COPS4: variants seen among roughly 807,000 people sequenced by gnomAD.
The protein encoded by COPS4 is COP9 signalosome subunit 4.
In COPS4, 8 loss-of-function variants were observed where a neutral mutation model predicts 55.1. The ratio of observed to expected loss-of-function variants is 0.15; its 90% CI spans 0.09 to 0.26. The LOEUF is 0.26. Among genes scored for constraint, COPS4 ranks in the 10% least tolerant of loss-of-function variants. The pLI is 1.00. For synonymous variants in COPS4, 185 were observed against 165.7 expected (o/e 1.12, Z -0.90); for missense variants, 248 against 484.0 (o/e 0.51, Z 4.58).
At chr4:83,072,188 G>C (rs1194828057) in intron 9 of COPS4, among the ~76,000 whole-genome samples, 1 of 152,024 alleles carries the variant, frequency 6.6e-6, no homozygotes, top group Non-Finnish European at 1.5e-5. Context: ...GGGTCCAAGC[G>C]ATTCTCCTGC....
At chr4:83,035,563 A>T (rs1050407619) in intron 1 of COPS4, 2 of 312,498 alleles carry the variant, frequency 6.4e-6, no homozygotes, top group Non-Finnish European at 1.3e-5. Context: ...GTCCCTTAGG[A>T]TTTTGGAACA....
chr4:83,060,880 C>A (rs1353738286), intron 6 of COPS4, among the ~76,000 whole-genome samples: 1 of 151,388 alleles, frequency 6.6e-6, no homozygotes, highest in Non-Finnish European at 1.5e-5. Context: ...ACTGAAAATA[C>A]AAAATTAGCC....
intron 2 of COPS4, among the ~76,000 whole-genome samples, 159 bp from the exon 3 acceptor site, chr4:83,049,007 A>G (rs372542605): frequency 1.3e-5 from 2 of 152,168 alleles, no homozygotes; most frequent in African/African-American, 4.8e-5. Flanking sequence ...AAAACTGATG[A>G]TGTAATATAA....
intron 9 of COPS4, among the ~76,000 whole-genome samples, chr4:83,070,430 A>AAACTGAATTT (rs1731394491): frequency 6.6e-6 from 1 of 152,182 alleles, no homozygotes; most frequent in Non-Finnish European, 1.5e-5. Flanking sequence ...AACATATCAA[A>AAACTGAATTT]AACTGAATTT....
chr4:83,064,003 C>A (rs1439335527), intron 7 of COPS4, among the ~76,000 whole-genome samples: 1 of 152,138 alleles, frequency 6.6e-6, no homozygotes, highest in African/African-American at 2.4e-5. Context: ...CCTGGCAATA[C>A]AATCCTTTTA....
intron 6 of COPS4, among the ~76,000 whole-genome samples, chr4:83,060,028 C>T (rs186090228): frequency 6.6e-6 from 1 of 152,118 alleles, no homozygotes; most frequent in Admixed American, 6.6e-5. Context: ...ATAGGTACTT[C>T]CGCATTCCCT....
chr4:83,040,811 A>G (rs1289825841), intron 1 of COPS4, among the ~76,000 whole-genome samples: 4 of 121,430 alleles, frequency 3.3e-5, no homozygotes, highest in South Asian at 4.8e-4. Context: ...TTAGTTCACC[A>G]TTACTGTAAG....
chr4:83,071,734 TG>T (rs1394697044), intron 9 of COPS4, among the ~76,000 whole-genome samples: 2 of 151,712 alleles, frequency 1.3e-5, no homozygotes, highest in South Asian at 2.1e-4. Flanking sequence ...TTTTTTGAGA[TG>T]GGAGTCTTGC....
intron 9 of COPS4, 68 bp from the exon 10 acceptor site, chr4:83,075,229 C>CTAAA: frequency 6.8e-7 from 1 of 1,471,528 alleles, no homozygotes; most frequent in Admixed American, 1.8e-5. Context: ...AAGTATATAT[C>CTAAA]TTTTAACTCA....
intron 2 of COPS4, among the ~76,000 whole-genome samples, chr4:83,046,113 G>GA (rs1730705369): frequency 6.6e-6 from 1 of 151,796 alleles, no homozygotes. Flanking sequence ...CTGTACTACA[G>GA]GGTAGTACAG....
In COPS4 at chr4:83,057,416, C is replaced by T. The variant is rs574807433; in HGVS notation, c.715+8C>T. Reference sequence around the variant, plus strand: ...CGATCTTAGCATCAGCAGGTAAACACGTAATAATTTATACTTAAATGAACA... The same window carrying T: ...CGATCTTAGCATCAGCAGGTAAACATGTAATAATTTATACTTAAATGAACA... On this transcript the variant is annotated splice_region_variant and intron_variant, in intron 6 of 9. Coordinates refer to ENST00000264389, the MANE Select transcript of COPS4 (RefSeq NM_016129.3). 110 of 1,548,602 alleles carry T rather than the reference C, an allele frequency of 7.1e-5. 1 individual carries two copies. In the South Asian group the frequency reaches 1.1e-3, roughly 15 times the overall value.
chr4:83,039,624 C>T (rs186214574), intron 1 of COPS4, among the ~76,000 whole-genome samples: 14 of 152,194 alleles, frequency 9.2e-5, no homozygotes, highest in African/African-American at 3.1e-4. Flanking sequence ...GAGATGTCTT[C>T]AGTTATATCT....
At chr4:83,058,862 T>A (rs530342084) in intron 6 of COPS4, among the ~76,000 whole-genome samples, 35 of 152,208 alleles carry the variant, frequency 2.3e-4, no homozygotes, top group Non-Finnish European at 3.8e-4. Context: ...GGTACATACT[T>A]TTGAATTTTT....
At chr4:83,037,241 T>A (rs1730447941) in intron 1 of COPS4, among the ~76,000 whole-genome samples, 1 of 152,194 alleles carries the variant, frequency 6.6e-6, no homozygotes, top group African/African-American at 2.4e-5. Context: ...CTCTTAAGGA[T>A]AGCCTAGGAA....
intron 6 of COPS4, among the ~76,000 whole-genome samples, chr4:83,061,562 C>G (rs1731164570): frequency 6.6e-6 from 1 of 152,100 alleles, no homozygotes; most frequent in African/African-American, 2.4e-5. Context: ...ATTCATTTAT[C>G]TTAATTTCTT....
intron 8 of COPS4, among the ~76,000 whole-genome samples, chr4:83,067,834 T>C (rs1293459353): frequency 6.6e-6 from 1 of 152,170 alleles, no homozygotes; most frequent in Non-Finnish European, 1.5e-5. Flanking sequence ...GAGGTGAATA[T>C]ATTTTTAACA....
At chr4:83,049,805 G>A (rs1390926671) in intron 3 of COPS4, 76 bp from the exon 4 acceptor site, 2 of 880,668 alleles carry the variant, frequency 2.3e-6, no homozygotes, top group Non-Finnish European at 3.4e-6. Flanking sequence ...TGCCACTTTA[G>A]AATAACTTTC....
chr4:83,044,544 G>T (rs991583136), intron 1 of COPS4, among the ~76,000 whole-genome samples: 2 of 152,024 alleles, frequency 1.3e-5, no homozygotes, highest in African/African-American at 4.8e-5. Flanking sequence ...TTGGGAGGCT[G>T]AGGTGGGCGG....
At chr4:83,070,894 C>T (rs1391801136) in intron 9 of COPS4, among the ~76,000 whole-genome samples, 1 of 152,174 alleles carries the variant, frequency 6.6e-6, no homozygotes, top group East Asian at 1.9e-4. Context: ...AAAAGCTGGT[C>T]CTGGTCCTTT....
Sources: allele counts gnomAD v4.1 joint callset (sites outside exome capture counted in the v4.1 genomes callset), GRCh38; gene constraint gnomAD v4.1.1; transcripts MANE v1.5; gene names NCBI Gene and HGNC (gene_info 2026-07-23, HGNC 2026-07-21).